ADAMTS12: variants seen among roughly 807,000 people sequenced by gnomAD.
ADAMTS12 encodes the protein A disintegrin and metalloproteinase with thrombospondin motifs 12.
In ADAMTS12, 118 loss-of-function variants were observed where a neutral mutation model predicts 167.8. The observed-to-expected ratio is 0.70, with a 90% CI of 0.61 to 0.82. The LOEUF (loss-of-function observed/expected upper bound fraction) is 0.82. ADAMTS12 is among the 40% of genes least tolerant of loss of function. The pLI is 0.00. For synonymous variants in ADAMTS12, 704 were observed against 716.9 expected (o/e 0.98, Z 0.29); for missense variants, 1,916 against 1,998.8 (o/e 0.96, Z 0.79).
At chr5:33,564,666 C>A (rs376392939) in intron 19 of ADAMTS12, among the ~76,000 whole-genome samples, 3 of 152,210 alleles carry the variant, frequency 2.0e-5, no homozygotes, top group Non-Finnish European at 4.4e-5. Flanking sequence ...TCACTCTCAT[C>A]TATTGGGCAC....
At chr5:33,859,418 C>T (rs1043159911) in intron 2 of ADAMTS12, among the ~76,000 whole-genome samples, 11 of 152,252 alleles carry the variant, frequency 7.2e-5, no homozygotes, top group Non-Finnish European at 1.2e-4. Context: ...CGGAGCCCAC[C>T]GCAGCTCAGC....
chr5:33,531,659 C>T (rs1314199383), intron 23 of ADAMTS12, among the ~76,000 whole-genome samples: 1 of 152,194 alleles, frequency 6.6e-6, no homozygotes, highest in African/African-American at 2.4e-5. Context: ...TAGGTCTTCT[C>T]TGCCCAGAAC....
chr5:33,620,633 TGTAA>T (rs1739275593), intron 14 of ADAMTS12, among the ~76,000 whole-genome samples: 3 of 152,372 alleles, frequency 2.0e-5, no homozygotes, highest in South Asian at 4.1e-4. Context: ...ATGTGTGGCC[TGTAA>T]GTGTTTGTGT....
chr5:33,598,596 A>G (rs550092580), intron 16 of ADAMTS12, among the ~76,000 whole-genome samples: 8 of 152,346 alleles, frequency 5.3e-5, no homozygotes, highest in African/African-American at 1.7e-4. Flanking sequence ...TAAAAGGAAG[A>G]CAAAGTTTAA....
chr5:33,586,712 G>A (rs145322189), intron 18 of ADAMTS12, among the ~76,000 whole-genome samples: 1 of 152,314 alleles, frequency 6.6e-6, no homozygotes, highest in African/African-American at 2.4e-5. Flanking sequence ...TTGGTAAACA[G>A]ATTTAATAGG....
At chr5:33,873,643 A>G (rs1561321120) in intron 2 of ADAMTS12, among the ~76,000 whole-genome samples, 4 of 152,230 alleles carry the variant, frequency 2.6e-5, no homozygotes. Context: ...AACTGACACT[A>G]TCGGACTTCA....
At chr5:33,804,680 C>A (rs188185586) in intron 2 of ADAMTS12, among the ~76,000 whole-genome samples, 1 of 152,278 alleles carries the variant, frequency 6.6e-6, no homozygotes, top group African/African-American at 2.4e-5. Flanking sequence ...CAATGCAATT[C>A]ACAAGTGAAA....
chr5:33,776,715 G>C (rs1745922728), intron 2 of ADAMTS12, among the ~76,000 whole-genome samples: 1 of 151,718 alleles, frequency 6.6e-6, no homozygotes, highest in Non-Finnish European at 1.5e-5. Context: ...AAATAATAAA[G>C]ATCAGAGCAG....
At chr5:33,685,470 G>A (rs1561213891) in intron 3 of ADAMTS12, among the ~76,000 whole-genome samples, 1 of 152,180 alleles carries the variant, frequency 6.6e-6, no homozygotes, top group Non-Finnish European at 1.5e-5. Flanking sequence ...TACTCTCTAG[G>A]CTGTGGAGTT....
chr5:33,582,407 G>A (rs1747112363), intron 18 of ADAMTS12, among the ~76,000 whole-genome samples: 1 of 152,178 alleles, frequency 6.6e-6, no homozygotes. Context: ...GAGGGTCAGC[G>A]ACTCTCAAAA....
chr5:33,621,977 A>T (rs747917351), intron 14 of ADAMTS12, among the ~76,000 whole-genome samples: 6 of 152,366 alleles, frequency 3.9e-5, no homozygotes, highest in South Asian at 2.1e-4. Context: ...CTTGTAACAC[A>T]CTGCGAGCAA....
At chr5:33,637,348 A>G (rs1740242908) in intron 12 of ADAMTS12, among the ~76,000 whole-genome samples, 1 of 152,192 alleles carries the variant, frequency 6.6e-6, no homozygotes, top group South Asian at 2.1e-4. Flanking sequence ...CATGTTTTAT[A>G]AACTTCTTTT....
intron 20 of ADAMTS12, among the ~76,000 whole-genome samples, chr5:33,551,009 A>C (rs1469634386): frequency 6.6e-6 from 1 of 152,200 alleles, no homozygotes; most frequent in Non-Finnish European, 1.5e-5. Flanking sequence ...TCTCATTGGC[A>C]GTCTTGGCTG....
At chr5:33,621,864 A>G (rs1181745702) in intron 14 of ADAMTS12, among the ~76,000 whole-genome samples, 2 of 152,242 alleles carry the variant, frequency 1.3e-5, no homozygotes, top group African/African-American at 4.8e-5. Context: ...ATATATAAAA[A>G]TAACAGTACC....
chr5:33,621,391 C>T (rs908668174), intron 14 of ADAMTS12, among the ~76,000 whole-genome samples: 2 of 129,164 alleles, frequency 1.5e-5, no homozygotes, highest in Non-Finnish European at 3.2e-5. Context: ...CACAGCAAGA[C>T]TCCATCTCAA....
chr5:33,690,166 T>A (rs576580284), intron 3 of ADAMTS12, among the ~76,000 whole-genome samples: 1 of 152,254 alleles, frequency 6.6e-6, no homozygotes, highest in Admixed American at 6.5e-5. Context: ...CAACAAGGGC[T>A]GAGCAGCCCG....
chr5:33,833,709 T>G (rs1035956038), intron 2 of ADAMTS12, among the ~76,000 whole-genome samples: 2 of 152,216 alleles, frequency 1.3e-5, no homozygotes, highest in African/African-American at 4.8e-5. Context: ...CAAGCTTTTG[T>G]GAATGGTTAA....
chr5:33,625,402 C>T (rs1404290041), intron 13 of ADAMTS12, among the ~76,000 whole-genome samples: 1 of 152,084 alleles, frequency 6.6e-6, no homozygotes, highest in African/African-American at 2.4e-5. Context: ...AAATGCCAGC[C>T]CTTCACAAGC....
At chr5:33,639,041 T>G (rs893514319) in intron 11 of ADAMTS12, among the ~76,000 whole-genome samples, 13 of 152,204 alleles carry the variant, frequency 8.5e-5, no homozygotes, top group African/African-American at 2.7e-4. Flanking sequence ...TATTATCTTT[T>G]TGTTAGATGG....
Sources: gnomAD v4.1 joint callset for allele counts (sites outside exome capture counted in the v4.1 genomes callset) on GRCh38, gnomAD v4.1.1 for gene constraint, MANE v1.5 for transcripts, NCBI Gene and HGNC (gene_info 2026-07-23, HGNC 2026-07-21) for gene names.